The following CSMD3 variants were observed in gnomAD, a reference collection of about 807,000 sequenced individuals.
CSMD3 encodes CUB and sushi domain-containing protein 3.
In CSMD3, 177 loss-of-function variants were observed where a neutral mutation model predicts 435.2. The ratio of observed to expected loss-of-function variants is 0.41; its 90% CI spans 0.36 to 0.46. The LOEUF (loss-of-function observed/expected upper bound fraction) is 0.46. Ranked by LOEUF, CSMD3 falls within the 20% of genes least tolerant of loss-of-function variation. The probability of loss-of-function intolerance (pLI) is 0.34; values close to 1 mark genes in which losing one functional copy is unlikely to be tolerated. For missense variants in CSMD3, 4,265 were observed against 4,504.6 expected (o/e 0.95, Z 1.52); for synonymous variants, 1,656 against 1,520.5 (o/e 1.09, Z -2.07).
rs557075804 is a variant in CSMD3 at position 112,609,947 on chromosome 8, T to C, written c.3716-22712A>G. On this transcript the variant is annotated intron_variant, in intron 22 of 70. Transcript: ENST00000297405. Reference sequence around the variant, plus strand: ...CAAAGACAAATGCTCCATGATCTCATGTACATGTGGGATCTAACAAACTCG... The same window carrying C: ...CAAAGACAAATGCTCCATGATCTCACGTACATGTGGGATCTAACAAACTCG... Among the ~76,000 whole-genome samples, 6 of 152,162 alleles carry C rather than the reference T, an allele frequency of 3.9e-5. No homozygotes were observed. In the South Asian group the frequency reaches 1.2e-3, roughly 32 times the overall value.
rs567628629 is a variant in CSMD3 at position 112,664,824 on chromosome 8, G to A, written c.2816+1453C>T. ...GCAAAGGGAGAATCCAGAATAAACT[G>A]TCTTGTGGACACCTTGATCTTGAAC... On this transcript the variant is annotated intron_variant, in intron 17 of 70. Coordinates refer to ENST00000297405, the MANE Select transcript of CSMD3 (RefSeq NM_198123.2). 1.6e-4 allele frequency among the ~76,000 whole-genome samples: 24 copies of A among 152,224 alleles called. 1 individual carries two copies. Among genetic ancestry groups the A allele is most frequent in the Admixed American group, 5.2e-4 (8 of 15,268 alleles).
chr8:112,845,594 C>T (rs374287254), intron 11 of CSMD3, among the ~76,000 whole-genome samples: 2 of 152,154 alleles, frequency 1.3e-5, no homozygotes, highest in East Asian at 3.9e-4. Flanking sequence ...TTGCCCATGG[C>T]TTCCTCTATA....
chr8:112,635,359 T>C (rs76114085), intron 22 of CSMD3, among the ~76,000 whole-genome samples: 59 of 152,142 alleles, frequency 3.9e-4, no homozygotes, highest in Non-Finnish European at 7.5e-4. Context: ...TATCAAATGG[T>C]CAGGCACTCT....
rs531808348 is a variant in CSMD3, at chr8:112,332,924, T to G, written c.7165+2405A>C. Among the ~76,000 whole-genome samples the G allele has an allele frequency of 2.0e-5, 3 of 152,318 alleles. No individual in the cohort carries two copies. In the South Asian group the frequency reaches 6.2e-4, roughly 32 times the overall value. On this transcript the variant is annotated intron_variant, in intron 45 of 70. Transcript: ENST00000297405. ...ATAATAGTAACAATTACAATATTTC[T>G]ACAGTTGAGCTATGTAAAATTGCCC... is the stretch of plus-strand genomic sequence containing the variant.
At chr8:113,376,955 C>T (rs2094388133) in intron 1 of CSMD3, 6 of 1,409,810 alleles carry the variant, frequency 4.3e-6, no homozygotes, top group Non-Finnish European at 5.7e-6. Context: ...CAGGAGGTGC[C>T]CAAACTAAAG....
At chr8:112,836,340 AC>A (rs1006397797) in intron 11 of CSMD3, among the ~76,000 whole-genome samples, 1 of 151,770 alleles carries the variant, frequency 6.6e-6, no homozygotes, top group African/African-American at 2.4e-5. Flanking sequence ...TTTACCCTTG[AC>A]CTTTTCTTCT....
intron 31 of CSMD3, among the ~76,000 whole-genome samples, chr8:112,487,425 A>G (rs1820246559): frequency 1.3e-5 from 2 of 152,204 alleles, no homozygotes; most frequent in Admixed American, 1.3e-4. Context: ...CTTTGAGGAA[A>G]TATCAAGGAG....
At chr8:113,210,467 A>G (rs2092821132) in intron 3 of CSMD3, among the ~76,000 whole-genome samples, 1 of 152,162 alleles carries the variant, frequency 6.6e-6, no homozygotes, top group Non-Finnish European at 1.5e-5. Context: ...TATCAATAAT[A>G]ATAATAGCAA....
chr8:113,248,873 C>G (rs749748003), intron 3 of CSMD3, among the ~76,000 whole-genome samples: 8 of 151,384 alleles, frequency 5.3e-5, no homozygotes, highest in African/African-American at 1.9e-4. Flanking sequence ...AATGTAACGG[C>G]GATTGCTGAA....
chr8:113,281,967 T>G, intron 2 of CSMD3, among the ~76,000 whole-genome samples: 1 of 151,976 alleles, frequency 6.6e-6, no homozygotes, highest in Non-Finnish European at 1.5e-5. Context: ...AATTCTTGGC[T>G]GATAATTGTT....
At chr8:112,486,663 T>C (rs531129648) in intron 31 of CSMD3, among the ~76,000 whole-genome samples, 3 of 152,274 alleles carry the variant, frequency 2.0e-5, no homozygotes, top group African/African-American at 7.2e-5. Flanking sequence ...TTCCTGTGGC[T>C]CACCTAGTTT....
chr8:112,296,136 T>A, intron 53 of CSMD3, 130 bp from the exon 54 acceptor site: 1 of 721,396 alleles, frequency 1.4e-6, no homozygotes, highest in Non-Finnish European at 2.4e-6. Flanking sequence ...CAATTATAAC[T>A]ATATGACATA....
intron 5 of CSMD3, among the ~76,000 whole-genome samples, chr8:113,081,508 C>A (rs1463931369): frequency 6.6e-6 from 1 of 152,104 alleles, no homozygotes; most frequent in Non-Finnish European, 1.5e-5. Flanking sequence ...TAGAGGAAAG[C>A]CCCCTCAGCA....
At chr8:112,520,776 T>C (rs78285087) in intron 27 of CSMD3, among the ~76,000 whole-genome samples, 8,198 of 151,982 alleles carry the variant, frequency 0.054, 280 homozygotes, top group African/African-American at 0.1. Flanking sequence ...GTAACTACAA[T>C]ATGAAGAACA....
intron 1 of CSMD3, among the ~76,000 whole-genome samples, chr8:113,349,853 C>T (rs973027965): frequency 6.6e-6 from 1 of 151,954 alleles, no homozygotes; most frequent in Non-Finnish European, 1.5e-5. Flanking sequence ...GTCACTCCCC[C>T]CGTTAAGATA....
chr8:112,906,652 A>G (rs1564089941), intron 10 of CSMD3, among the ~76,000 whole-genome samples: 2 of 151,496 alleles, frequency 1.3e-5, no homozygotes, highest in Admixed American at 6.6e-5. Context: ...TCCTTTTCTC[A>G]TAAATCTTTT....
chr8:112,916,159 T>G (rs1054283750), intron 10 of CSMD3, among the ~76,000 whole-genome samples: 5 of 151,878 alleles, frequency 3.3e-5, no homozygotes, highest in Admixed American at 3.3e-4. Flanking sequence ...GTACCAAAAC[T>G]GAATCAAGAA....
At position 112,552,687 on chromosome 8, in the gene CSMD3, G is replaced by A. The variant is rs759221851; in HGVS notation, c.4268C>T (p.Ser1423Leu). ...ATAGCCAGGAGATAAGATTCTTCCT[G>A]ATGATTCTCCTTTAAAACGACCTCC... ...ECGGRFKGES[S>L]GRILSPGYPF... The change falls in exon 26 of 71, where the codon TCA becomes TTA. Residue 1423 changes from serine (S) to leucine (L), a missense_variant. Coordinates refer to ENST00000297405, the MANE Select transcript of CSMD3 (RefSeq NM_198123.2). 6.8e-6 allele frequency: 11 copies of A among 1,611,678 alleles called. No homozygotes were observed. In the East Asian group the frequency reaches 2.2e-4, roughly 33 times the overall value.
At chr8:112,701,058 T>C (rs1474116144) in intron 13 of CSMD3, among the ~76,000 whole-genome samples, 3 of 152,110 alleles carry the variant, frequency 2.0e-5, no homozygotes, top group Non-Finnish European at 4.4e-5. Context: ...TTTATATAAC[T>C]TTTCCCCCTC....
Sources: allele counts gnomAD v4.1 joint callset (sites outside exome capture counted in the v4.1 genomes callset), GRCh38; gene constraint gnomAD v4.1.1; transcripts MANE v1.5; gene names NCBI Gene and HGNC (gene_info 2026-07-23, HGNC 2026-07-21).